PLOD1: variants seen among roughly 807,000 people sequenced by gnomAD.
The protein encoded by PLOD1 is procollagen-lysine,2-oxoglutarate 5-dioxygenase 1.
Under a neutral mutation model 94.7 loss-of-function variants are expected in PLOD1, and 70 were observed. The ratio of observed to expected loss-of-function variants is 0.74; its 90% CI spans 0.61 to 0.90. The LOEUF is 0.90. PLOD1 is among the 40% of genes least tolerant of loss of function. PLOD1 has a pLI of 0.00. For missense variants in PLOD1, 905 were observed against 972.7 expected, an observed-to-expected ratio of 0.93 and a Z score of 0.93; for synonymous variants, 417 against 400.2, an observed-to-expected ratio of 1.04 and a Z score of -0.50.
At chr1:11,943,902 T>C (rs771404349) in intron 1 of PLOD1, among the ~76,000 whole-genome samples, 47 of 152,278 alleles carry the variant, frequency 3.1e-4, no homozygotes, top group Non-Finnish European at 4.9e-4. Flanking sequence ...CTTGGTTTCC[T>C]AACTGGAAAG....
intron 1 of PLOD1, among the ~76,000 whole-genome samples, chr1:11,943,137 C>A (rs187623571): frequency 0.014 from 2,068 of 152,166 alleles, 52 homozygotes; most frequent in African/African-American, 0.046. Flanking sequence ...AGGCTCCCGC[C>A]CACCACCATG....
Position 11,949,873 on chromosome 1 carries a change from A to T in PLOD1, c.269A>T (p.Asp90Val). 6.2e-7 allele frequency: 1 copy of T among 1,614,146 alleles called. No individual in the cohort carries two copies. The highest frequency in any genetic ancestry group is 1.1e-5 in the South Asian group (1 of 91,084). Residue 90 changes from aspartate to valine, a missense_variant, in exon 3 of 19, where the codon GAC becomes GTC. By Grantham distance (152) the Asp-to-Val change is radical. Transcript: ENST00000196061. The stretch of plus-strand genomic sequence containing the variant: ...AAGAAAGCTCTGGAGAAGCACGCAG[A>T]CAAGGAGGATCTGGTCATTCTCTTC... ...LLKKALEKHA[D>V]KEDLVILFAD...
intron 11 of PLOD1, 80 bp from the exon 12 acceptor site, chr1:11,964,095 A>C: frequency 7.0e-7 from 1 of 1,425,358 alleles, no homozygotes; most frequent in Non-Finnish European, 9.9e-7. Context: ...AGGGGCACCT[A>C]CCTCCCCCCA....
chr1:11,954,892 G>A lies in PLOD1; in HGVS notation c.642G>A (p.Leu214=). 2 of 1,611,888 alleles carry A rather than the reference G, an allele frequency of 1.2e-6. No individual in the cohort carries two copies. Among genetic ancestry groups the A allele is most frequent in the Non-Finnish European group, 1.7e-6 (2 of 1,178,014 alleles). The change falls in exon 6 of 19, where the codon TTG becomes TTA. Residue 214 remains leucine, a splice_region_variant and synonymous_variant. Coordinates refer to ENST00000196061, the MANE Select transcript of PLOD1 (RefSeq NM_000302.4). ...CRIFQNLDGA[L]DEVVLKFEMG... Reference sequence around the variant, plus strand: ...TCTTCCAGAACCTGGATGGAGCCTTGGGTGAGCAGCCCCCACGGGGAGGGG... The same window carrying A: ...TCTTCCAGAACCTGGATGGAGCCTTAGGTGAGCAGCCCCCACGGGGAGGGG...
chr1:11,970,008 A>C (rs1645849587), intron 16 of PLOD1, among the ~76,000 whole-genome samples: 1 of 151,568 alleles, frequency 6.6e-6, no homozygotes, highest in African/African-American at 2.4e-5. Flanking sequence ...TGGGAGGCCG[A>C]GGTGGGCAGA....
In PLOD1 at chr1:11,972,903, A is replaced by C; in HGVS notation, c.1934A>C (p.Tyr645Ser). The stretch of plus-strand genomic sequence containing the variant: ...TTTGACCTGGCCTTTGTCGTCCGCT[A>C]CAAGCCTGATGAGCAGCCCTCACTG... ...AQFDLAFVVR[Y>S]KPDEQPSLMP... The change falls in exon 18 of 19, where the codon TAC becomes TCC. Residue 645 changes from tyrosine (Y) to serine (S), a missense_variant. Physicochemically the swap from Tyr to Ser is moderately radical, Grantham distance 144. Transcript: ENST00000196061. This position sits in a 1 kb window ranked among gnomAD's most constrained non-coding sequence, Gnocchi z 4.6. 6.2e-7 allele frequency: 1 copy of C among 1,614,062 alleles called. No homozygotes were observed. Among genetic ancestry groups the C allele is most frequent in the Non-Finnish European group, 8.5e-7 (1 of 1,179,990 alleles).
Position 11,972,550 on chromosome 1 carries a change from C to G in PLOD1, c.1903-322C>G. Reference sequence around the variant, plus strand: ...TTACAGGCGTGAGTACCATGTCCGGCCTCCTTCCCTTTCATTTCTTCTCTT... The same window carrying G: ...TTACAGGCGTGAGTACCATGTCCGGGCTCCTTCCCTTTCATTTCTTCTCTT... On this transcript the variant is annotated intron_variant, in intron 17 of 18. Transcript: ENST00000196061. The surrounding 1 kb of genome is among the most constrained non-coding windows in gnomAD (Gnocchi z 4.6). 11 of 328,958 alleles carry G rather than the reference C, an allele frequency of 3.3e-5. No individual in the cohort carries two copies. Among genetic ancestry groups the G allele is most frequent in the East Asian group, 7.2e-5 (1 of 13,974 alleles). 20.4% of individuals were successfully genotyped at this position (328,958 alleles called of 1,614,324 possible).
At chr1:11,969,474 G>A (rs1304677303) in intron 16 of PLOD1, among the ~76,000 whole-genome samples, 1 of 152,206 alleles carries the variant, frequency 6.6e-6, no homozygotes, top group Non-Finnish European at 1.5e-5. Context: ...CCAGGAACTG[G>A]ACTAGCCCGT....
At chr1:11,959,785 T>G (rs1236190740) in intron 9 of PLOD1, among the ~76,000 whole-genome samples, 1 of 150,940 alleles carries the variant, frequency 6.6e-6, no homozygotes, top group African/African-American at 2.4e-5. Context: ...GCCTGGCTAA[T>G]TTTTTGTATT....
At position 11,973,315 on chromosome 1, in the gene PLOD1, C is replaced by T. The variant is rs141226729; in HGVS notation, c.2028+318C>T. Among the ~76,000 whole-genome samples the T allele has an allele frequency of 0.029, 4,475 of 152,210 alleles. 202 individuals carry two copies. The highest frequency in any genetic ancestry group is 0.099 in the African/African-American group (4,130 of 41,528). On this transcript the variant is annotated intron_variant, in intron 18 of 18. Transcript: ENST00000196061. The stretch of plus-strand genomic sequence containing the variant: ...AGGAGTTTGAGACCAGCCTGGCCAA[C>T]ATGGCGAAACCCCATTTCCACTAAA...
In PLOD1 at chr1:11,941,333, TTGC is replaced by T. The variant is rs936648877; in HGVS notation, c.76+6483_76+6485del. Among the ~76,000 whole-genome samples the T allele has an allele frequency of 7.9e-5, 12 of 151,858 alleles. No homozygotes were observed. In the South Asian group the frequency reaches 8.3e-4, roughly 11 times the overall value. On this transcript the variant is annotated intron_variant, in intron 1 of 18. Transcript: ENST00000196061. ...CAAAAGTACAAAAGTACCTTCCATGTTGCTGCTTTTTTTTTTGAGACAGAGTTT... is the reference window on the plus strand; with the variant it reads ...CAAAAGTACAAAAGTACCTTCCATGTTGCTTTTTTTTTTGAGACAGAGTTT...
chr1:11,974,670 C>T lies in PLOD1; in HGVS notation c.2046C>T (p.Phe682=). The stretch of plus-strand genomic sequence containing the variant: ...TCTCCCAGGGCGGGGGCTGTCGGTT[C>T]CTGCGCTACAACTGTTCCATCCGAG... ...GVDYEGGGCR[F]LRYNCSIRAP... The change falls in exon 19 of 19, where the codon TTC becomes TTT. Residue 682 remains phenylalanine (F), a synonymous_variant. Transcript: ENST00000196061. The T allele has an allele frequency of 1.9e-6, 3 of 1,613,788 alleles. No individual in the cohort carries two copies. Among genetic ancestry groups the T allele is most frequent in the Non-Finnish European group, 2.5e-6 (3 of 1,179,848 alleles).
In PLOD1 at chr1:11,968,939, C is replaced by T. The variant is rs554566348; in HGVS notation, c.1756-1731C>T. Among the ~76,000 whole-genome samples the T allele has an allele frequency of 2.7e-5, 4 of 150,662 alleles. No homozygotes were observed. In the South Asian group the frequency reaches 6.3e-4, roughly 24 times the overall value. ...GTGGTGCGATCTCGGCTCACTGAAACCTCTGCCTCCTGAGTTCAAGTGATT... is the reference window on the plus strand; with the variant it reads ...GTGGTGCGATCTCGGCTCACTGAAATCTCTGCCTCCTGAGTTCAAGTGATT... On this transcript the variant is annotated intron_variant, in intron 16 of 18. Transcript: ENST00000196061.
Position 11,972,764 on chromosome 1 carries a change from G to GCTGA in PLOD1, c.1903-106_1903-103dup. 7.9e-7 allele frequency: 1 copy of GCTGA among 1,264,430 alleles called. No homozygotes were observed. The highest frequency in any genetic ancestry group is 1.7e-5 in the Admixed American group (1 of 59,186). The allele number at this position is 1,264,430 out of a possible 1,614,324, so 78.3% of individuals were successfully genotyped here. On this transcript the variant is annotated intron_variant, in intron 17 of 18. Transcript: ENST00000196061. This position sits in a 1 kb window ranked among gnomAD's most constrained non-coding sequence, Gnocchi z 4.6. Reference sequence around the variant, plus strand: ...CCCCATGTAGACCTGGCCCCTGTAAGCTGACCTGCAGCAGGCCAGACCAGG... The same window carrying GCTGA: ...CCCCATGTAGACCTGGCCCCTGTAAGCTGACTGACCTGCAGCAGGCCAGACCAGG...
chr1:11,948,186 C>A, intron 2 of PLOD1, 119 bp downstream of exon 2: 1 of 762,352 alleles, frequency 1.3e-6, no homozygotes, highest in Non-Finnish European at 2.4e-6. Context: ...GGGGAGGCTT[C>A]TGGAAGCCTG....
Position 11,974,763 on chromosome 1 carries a change from C to A in PLOD1, c.2139C>A (p.Thr713=), listed in dbSNP as rs779651224. The A allele has an allele frequency of 1.2e-6, 2 of 1,614,110 alleles. No individual in the cohort carries two copies. Among genetic ancestry groups the A allele is most frequent in the South Asian group, 2.2e-5 (2 of 91,088 alleles). ...CGCATTACCATGAGGGGCTCCCCAC[C>A]ACCAGGGGCACCCGCTACATCGCAG... ...RLTHYHEGLP[T]TRGTRYIAVS... Residue 713 remains threonine, a synonymous_variant, in exon 19 of 19, where the codon ACC becomes ACA. Coordinates refer to ENST00000196061, the MANE Select transcript of PLOD1 (RefSeq NM_000302.4).
At chr1:11,942,192 A>G (rs2100736271) in intron 1 of PLOD1, among the ~76,000 whole-genome samples, 1 of 152,082 alleles carries the variant, frequency 6.6e-6, no homozygotes, top group East Asian at 1.9e-4. Context: ...CATGTTGGCC[A>G]GGCTGGTCTC....
At chr1:11,941,467 G>GATTATTATTATTTATTATTATT (rs1645614704) in intron 1 of PLOD1, among the ~76,000 whole-genome samples, 1 of 141,828 alleles carries the variant, frequency 7.1e-6, no homozygotes, top group African/African-American at 3.0e-5. Flanking sequence ...AAGTAGCTGG[G>GATTATTATTATTTATTATTATT]ATTATTATTA....
chr1:11,953,820 T>G (rs1645719866), intron 5 of PLOD1, among the ~76,000 whole-genome samples: 2 of 151,868 alleles, frequency 1.3e-5, no homozygotes, highest in Admixed American at 1.3e-4. Flanking sequence ...TGATAATACT[T>G]TCTCACAGAG....
Sources: gnomAD v4.1 joint callset for allele counts (sites outside exome capture counted in the v4.1 genomes callset) on GRCh38, gnomAD v4.1.1 for gene constraint, Gnocchi (gnomAD v3.1) non-coding constraint, MANE v1.5 for transcripts, NCBI Gene and HGNC (gene_info 2026-07-23, HGNC 2026-07-21) for gene names.